The following MTUS2 variants were observed in gnomAD, a reference collection of about 807,000 sequenced individuals.
The protein encoded by MTUS2 is microtubule-associated tumor suppressor candidate 2.
A neutral mutation model predicts 114.1 loss-of-function variants in MTUS2; 40 were observed. The observed-to-expected ratio is 0.35, with a 90% confidence interval of 0.27 to 0.46. MTUS2 has a LOEUF of 0.46. MTUS2 is among the 20% of genes least tolerant of loss of function. MTUS2 has a pLI of 1.00. For synonymous variants in MTUS2, 688 were observed against 672.0 expected, an observed-to-expected ratio of 1.02 and a Z score of -0.37; for missense variants, 1,679 against 1,705.4, an observed-to-expected ratio of 0.98 and a Z score of 0.27.
At chr13:29,274,909 A>AT (rs1175324893) in intron 5 of MTUS2, among the ~76,000 whole-genome samples, 1 of 151,770 alleles carries the variant, frequency 6.6e-6, no homozygotes, top group Non-Finnish European at 1.5e-5. Flanking sequence ...TTTTTTTTAA[A>AT]TTTTTTGTAG....
chr13:29,171,170 G>A (rs1429301371), intron 5 of MTUS2, among the ~76,000 whole-genome samples: 1 of 152,154 alleles, frequency 6.6e-6, no homozygotes, highest in African/African-American at 2.4e-5. Context: ...ATGTGTGTGT[G>A]TTGGGTGGGT....
At chr13:29,056,776 A>AT (rs1565983466) in intron 4 of MTUS2, among the ~76,000 whole-genome samples, 1 of 151,796 alleles carries the variant, frequency 6.6e-6, no homozygotes, top group Non-Finnish European at 1.5e-5. Flanking sequence ...ATTCATTAAT[A>AT]TTTTGTATTA....
intron 1 of MTUS2, 75 bp downstream of exon 1, chr13:28,820,686 A>T (rs2137911686): frequency 6.6e-6 from 1 of 152,342 alleles, no homozygotes; most frequent in Non-Finnish European, 1.5e-5. Context: ...CGCCGGAGAC[A>T]GGTGAGCGGA....
At chr13:28,961,831 A>G (rs578024949) in intron 2 of MTUS2, among the ~76,000 whole-genome samples, 2 of 152,200 alleles carry the variant, frequency 1.3e-5, no homozygotes, top group South Asian at 4.1e-4. Flanking sequence ...TGGTTGCATA[A>G]CATTCCATAC....
intron 2 of MTUS2, among the ~76,000 whole-genome samples, chr13:28,946,209 C>T (rs1279392755): frequency 6.6e-6 from 1 of 152,140 alleles, no homozygotes; most frequent in Non-Finnish European, 1.5e-5. Context: ...CCTTTAAATT[C>T]ACCAGTCTAG....
At chr13:29,191,525 C>G (rs9578077) in intron 5 of MTUS2, among the ~76,000 whole-genome samples, 1 of 151,934 alleles carries the variant, frequency 6.6e-6, no homozygotes, top group East Asian at 1.9e-4. Context: ...GCTCTTTTGC[C>G]GTGTTTGTGA....
intron 4 of MTUS2, among the ~76,000 whole-genome samples, chr13:29,048,867 C>T (rs770870028): frequency 2.9e-4 from 44 of 152,196 alleles, no homozygotes; most frequent in Non-Finnish European, 4.9e-4. Flanking sequence ...CCACGTGCCT[C>T]AGCCTCCCAA....
intron 2 of MTUS2, among the ~76,000 whole-genome samples, chr13:28,840,881 A>T (rs571540474): frequency 3.5e-4 from 54 of 152,244 alleles, no homozygotes; most frequent in Non-Finnish European, 6.0e-4. Context: ...CCAAAAGGGT[A>T]GCCTGAGCTT....
intron 9 of MTUS2, among the ~76,000 whole-genome samples, chr13:29,445,550 A>G (rs1273485700): frequency 6.6e-6 from 1 of 152,156 alleles, no homozygotes; most frequent in Non-Finnish European, 1.5e-5. Context: ...CTCTGGGTGC[A>G]CCATCTTCCC....
chr13:28,844,452 T>C (rs1328302163), intron 2 of MTUS2, among the ~76,000 whole-genome samples: 1 of 151,764 alleles, frequency 6.6e-6, no homozygotes. Flanking sequence ...TAATGTTCAG[T>C]TGCTAATATG....
At chr13:29,360,039 T>C (rs1870094334) in intron 8 of MTUS2, among the ~76,000 whole-genome samples, 1 of 152,206 alleles carries the variant, frequency 6.6e-6, no homozygotes, top group Admixed American at 6.5e-5. Flanking sequence ...CCTCTGCAAA[T>C]GTCTGGATCT....
rs1296313927 is a variant in MTUS2 at position 29,467,183 on chromosome 13, G to A, written c.3185-12967G>A. On this transcript the variant is annotated intron_variant, in intron 9 of 15. Transcript: ENST00000612955. ...AGTTCATTTTTTAGAACCCCACAGG[G>A]CAATTCTACATAGCGAAGAGTGGTC... Among the ~76,000 whole-genome samples, 6 of 152,206 alleles carry A rather than the reference G, an allele frequency of 3.9e-5. No homozygotes were observed. In the East Asian group the frequency reaches 1.2e-3, roughly 29 times the overall value.
chr13:29,479,210 C>A (rs377569639), intron 9 of MTUS2, among the ~76,000 whole-genome samples: 1 of 152,142 alleles, frequency 6.6e-6, no homozygotes, highest in Non-Finnish European at 1.5e-5. Flanking sequence ...GCATGGTAGA[C>A]CTTTGTAGAA....
In MTUS2 at chr13:29,487,938, A is replaced by G; in HGVS notation, c.3438A>G (p.Leu1146=). The change falls in exon 11 of 16, where the codon CTA becomes CTG. Residue 1146 remains leucine, a synonymous_variant. Coordinates refer to ENST00000612955, the MANE Select transcript of MTUS2 (RefSeq NM_001033602.4). The part of the protein sequence containing the change: ...DLTASHDAAL[L]EMENNHTVAI... ...CCGCCAGCCATGATGCTGCTCTCCT[A>G]GAGATGGAAAATAACCACACAGTTG... 2 of 1,614,114 alleles carry G rather than the reference A, an allele frequency of 1.2e-6. No homozygotes were observed. Among genetic ancestry groups the G allele is most frequent in the African/African-American group, 1.3e-5 (1 of 75,028 alleles).
At chr13:29,096,952 T>G (rs999641226) in intron 4 of MTUS2, among the ~76,000 whole-genome samples, 2 of 152,120 alleles carry the variant, frequency 1.3e-5, no homozygotes, top group African/African-American at 4.8e-5. Flanking sequence ...CTCTGTCTTA[T>G]ATGTTTGGGC....
At chr13:29,327,514 T>C (rs1900575553) in intron 7 of MTUS2, among the ~76,000 whole-genome samples, 1 of 152,244 alleles carries the variant, frequency 6.6e-6, no homozygotes. Flanking sequence ...TATGCTAGTT[T>C]TACTGGCTTC....
chr13:29,209,398 G>A (rs1349650595), intron 5 of MTUS2, among the ~76,000 whole-genome samples: 4 of 151,850 alleles, frequency 2.6e-5, no homozygotes, highest in African/African-American at 9.7e-5. Flanking sequence ...TATCTTTTAA[G>A]TGGAACATTT....
At chr13:29,417,088 A>G (rs1875724863) in intron 8 of MTUS2, among the ~76,000 whole-genome samples, 1 of 152,222 alleles carries the variant, frequency 6.6e-6, no homozygotes, top group African/African-American at 2.4e-5. Flanking sequence ...AGGTTGTGCA[A>G]GCATGGCACC....
intron 8 of MTUS2, among the ~76,000 whole-genome samples, chr13:29,400,353 G>T (rs1278835135): frequency 1.3e-5 from 2 of 152,126 alleles, no homozygotes; most frequent in African/African-American, 4.8e-5. Context: ...GACATGGTGG[G>T]GGGCAACAAA....
Sources: allele counts gnomAD v4.1 joint callset (sites outside exome capture counted in the v4.1 genomes callset), GRCh38; gene constraint gnomAD v4.1.1; transcripts MANE v1.5; gene names NCBI Gene and HGNC (gene_info 2026-07-23, HGNC 2026-07-21).